Variants in NALF1 observed in about 807,000 individuals in gnomAD.
The protein encoded by NALF1 is family with sequence similarity 155 member A.
A neutral mutation model predicts 48.4 loss-of-function variants in NALF1; 3 were observed. The observed-to-expected ratio is 0.06, with a 90% confidence interval of 0.03 to 0.16. NALF1 has a LOEUF of 0.16. Among genes scored for constraint, NALF1 ranks in the 10% least tolerant of loss-of-function variants. The pLI, the probability that NALF1 is intolerant of heterozygous loss-of-function variation, is 1.00. For synonymous variants in NALF1, 262 were observed against 245.7 expected (o/e 1.07, Z -0.62); for missense variants, 526 against 571.5 (o/e 0.92, Z 0.81).
intron 1 of NALF1, among the ~76,000 whole-genome samples, chr13:107,374,497 A>C (rs956385030): frequency 1.3e-5 from 2 of 152,202 alleles, no homozygotes; most frequent in Non-Finnish European, 2.9e-5. Flanking sequence ...AAAATAACTT[A>C]TTATTGATAT....
chr13:107,539,035 T>C (rs977253689), intron 1 of NALF1, among the ~76,000 whole-genome samples: 5 of 152,038 alleles, frequency 3.3e-5, no homozygotes, highest in Non-Finnish European at 5.9e-5. Context: ...AAACCCTTGG[T>C]AGGTATACAT....
chr13:107,328,734 A>G (rs1882413274), intron 1 of NALF1, among the ~76,000 whole-genome samples: 1 of 152,186 alleles, frequency 6.6e-6, no homozygotes, highest in Non-Finnish European at 1.5e-5. Flanking sequence ...TAACCTTGCA[A>G]TCCATATGCT....
chr13:107,734,404 A>AC (rs1190361231), intron 1 of NALF1, among the ~76,000 whole-genome samples: 5,701 of 139,952 alleles, frequency 0.041, 253 homozygotes, highest in African/African-American at 0.12. Flanking sequence ...TTTCCTTTAA[A>AC]AAAAAACACA....
chr13:107,350,143 C>T (rs1488864532), intron 1 of NALF1, among the ~76,000 whole-genome samples: 2 of 152,168 alleles, frequency 1.3e-5, no homozygotes, highest in Non-Finnish European at 2.9e-5. Context: ...CTATGCGGCC[C>T]AGTTCCTAAC....
intron 1 of NALF1, among the ~76,000 whole-genome samples, chr13:107,766,004 T>C (rs747839170): frequency 2.1e-4 from 25 of 121,242 alleles, no homozygotes; most frequent in Non-Finnish European, 1.8e-4. Context: ...GCTGTTTCTG[T>C]TCCTTTGTTC....
chr13:107,478,487 T>G (rs555200377), intron 1 of NALF1, among the ~76,000 whole-genome samples: 186 of 152,282 alleles, frequency 1.2e-3, no homozygotes, highest in Admixed American at 3.5e-3. Flanking sequence ...TTGAATATTT[T>G]TAAATACCAG....
intron 1 of NALF1, among the ~76,000 whole-genome samples, chr13:107,757,656 T>C (rs1877148528): frequency 6.6e-6 from 1 of 152,182 alleles, no homozygotes. Flanking sequence ...CATACACACA[T>C]ACTTTCTCCT....
intron 1 of NALF1, among the ~76,000 whole-genome samples, chr13:107,643,024 A>C (rs111358926): frequency 1.1e-3 from 166 of 152,104 alleles, no homozygotes; most frequent in African/African-American, 3.5e-3. Context: ...ACAGCATCCC[A>C]CACAGCTGAC....
At chr13:107,783,136 A>G (rs1877961911) in intron 1 of NALF1, among the ~76,000 whole-genome samples, 1 of 103,754 alleles carries the variant, frequency 9.6e-6, no homozygotes, top group Non-Finnish European at 1.9e-5. Context: ...GGCCGCCCCT[A>G]CTGGGAAGTG....
intron 1 of NALF1, among the ~76,000 whole-genome samples, chr13:107,401,076 T>C (rs754194698): frequency 5.9e-5 from 9 of 152,168 alleles, no homozygotes; most frequent in Non-Finnish European, 1.0e-4. Context: ...AACCATGCTC[T>C]TAAAATATTA....
At chr13:107,257,407 CAT>C (rs1381873812) in intron 1 of NALF1, among the ~76,000 whole-genome samples, 4 of 151,916 alleles carry the variant, frequency 2.6e-5, no homozygotes, top group African/African-American at 9.7e-5. Flanking sequence ...ATCCATCTAA[CAT>C]ATTCTTAATA....
At chr13:107,274,213 T>G (rs539376062) in intron 1 of NALF1, among the ~76,000 whole-genome samples, 1 of 152,228 alleles carries the variant, frequency 6.6e-6, no homozygotes, top group South Asian at 2.1e-4. Flanking sequence ...CATTTTCTTT[T>G]TAGAACATCT....
intron 1 of NALF1, among the ~76,000 whole-genome samples, chr13:107,670,702 C>T (rs1249302711): frequency 6.6e-6 from 1 of 152,054 alleles, no homozygotes; most frequent in East Asian, 1.9e-4. Flanking sequence ...GATGGTATTC[C>T]TTGTTACGGT....
intron 1 of NALF1, among the ~76,000 whole-genome samples, chr13:107,519,315 TGAA>T (rs72196314): frequency 0.031 from 4,715 of 151,586 alleles, 249 homozygotes; most frequent in African/African-American, 0.11. Context: ...GAATACTGAA[TGAA>T]GAAGAGAATT....
At position 107,387,981 on chromosome 13, in the gene NALF1, C is replaced by T. The variant is rs568754445; in HGVS notation, c.916-177226G>A. 3.3e-5 allele frequency among the ~76,000 whole-genome samples: 5 copies of T among 152,220 alleles called. No individual in the cohort carries two copies. The South Asian group carries it at 1.0e-3, about 32-fold the overall frequency. On this transcript the variant is annotated intron_variant, in intron 1 of 2. Coordinates refer to ENST00000375915, the MANE Select transcript of NALF1 (RefSeq NM_001080396.3). ...TACCAGTTGCCTGTCTATTGTACAC[C>T]CTCACTGTACACCTGTGTAGCGGAA...
At chr13:107,794,972 TATA>T (rs894353035) in intron 1 of NALF1, among the ~76,000 whole-genome samples, 2 of 151,966 alleles carry the variant, frequency 1.3e-5, no homozygotes, top group Non-Finnish European at 2.9e-5. Flanking sequence ...TGCCTGAGAG[TATA>T]ATAATGAGGA....
chr13:107,856,267 A>T (rs946630424), intron 1 of NALF1, among the ~76,000 whole-genome samples: 1 of 152,194 alleles, frequency 6.6e-6, no homozygotes. Flanking sequence ...AAAGAATTGG[A>T]TGTGGACATG....
intron 1 of NALF1, among the ~76,000 whole-genome samples, chr13:107,851,221 C>A (rs1880306371): frequency 6.6e-6 from 1 of 152,120 alleles, no homozygotes; most frequent in South Asian, 2.1e-4. Context: ...TCAGTGTCTT[C>A]CAATTCATAA....
intron 1 of NALF1, among the ~76,000 whole-genome samples, chr13:107,539,787 T>C (rs1453803149): frequency 1.3e-5 from 2 of 152,164 alleles, no homozygotes; most frequent in Non-Finnish European, 2.9e-5. Context: ...GCAGTGGTTA[T>C]GACTTTGTGT....
Sources: allele counts gnomAD v4.1 joint callset (sites outside exome capture counted in the v4.1 genomes callset), GRCh38; gene constraint gnomAD v4.1.1; transcripts MANE v1.5; gene names NCBI Gene and HGNC (gene_info 2026-07-23, HGNC 2026-07-21).